MATN2: variants seen among roughly 807,000 people sequenced by gnomAD.
MATN2 encodes matrilin-2.
Under a neutral mutation model 103.2 loss-of-function variants are expected in MATN2, and 69 were observed. The observed-to-expected ratio is 0.67, with a 90% CI of 0.55 to 0.82. MATN2 has a LOEUF of 0.82. Ranked by LOEUF, MATN2 falls within the 40% of genes least tolerant of loss-of-function variation. The pLI, the probability that MATN2 is intolerant of heterozygous loss-of-function variation, is 0.00. For missense variants in MATN2, 1,023 were observed against 1,211.5 expected (o/e 0.84, Z 2.31); for synonymous variants, 429 against 450.2 (o/e 0.95, Z 0.60).
chr8:97,920,104 TC>T (rs1809763956), intron 2 of MATN2, among the ~76,000 whole-genome samples: 3 of 152,168 alleles, frequency 2.0e-5, no homozygotes, highest in Non-Finnish European at 4.4e-5. Context: ...CCCCTGAACA[TC>T]AGCAACCTTG....
chr8:98,016,616 G>C lies in MATN2; in HGVS notation c.1650G>C (p.Gln550His), dbSNP rs369131291. ...CVSSEDSFVCQCFEGYILRED... is the reference protein window; with the variant it reads ...CVSSEDSFVCHCFEGYILRED... ...GCAGTGAAGATTCGTTTGTGTGCCA[G>C]TGCTTTGAAGGTTATATACTCCGTG... The change falls in exon 11 of 19, where the codon CAG becomes CAC. Residue 550 changes from glutamine to histidine, a missense_variant. Physicochemically the swap from Gln to His is conservative, Grantham distance 24 (BLOSUM62 0). Coordinates refer to ENST00000254898, the MANE Select transcript of MATN2 (RefSeq NM_002380.5). The C allele has an allele frequency of 6.2e-7, 1 of 1,612,262 alleles. No homozygotes were observed. The highest frequency in any genetic ancestry group is 1.3e-5 in the African/African-American group (1 of 74,920).
At chr8:97,990,179 CA>C (rs34924183) in intron 6 of MATN2, among the ~76,000 whole-genome samples, 80 of 45,792 alleles carry the variant, frequency 1.7e-3, no homozygotes, top group Middle Eastern at 0.015. Context: ...AAGACTCTGT[CA>C]AAAAAAAAAA....
chr8:97,994,261 G>GGAAGAAGGAGAA (rs146393102), intron 6 of MATN2, among the ~76,000 whole-genome samples: 42,206 of 147,656 alleles, frequency 0.29, 6,289 homozygotes, highest in African/African-American at 0.34. Context: ...GGAGGAGGAG[G>GGAAGAAGGAGAA]GAAGAAGGAG....
At chr8:97,967,447 A>C (rs1811518939) in intron 5 of MATN2, among the ~76,000 whole-genome samples, 1 of 152,232 alleles carries the variant, frequency 6.6e-6, no homozygotes, top group African/African-American at 2.4e-5. Flanking sequence ...ATTTAAAAAA[A>C]AAAAAAGAAA....
chr8:97,994,898 T>A (rs1586135541), intron 7 of MATN2, among the ~76,000 whole-genome samples: 1 of 152,120 alleles, frequency 6.6e-6, no homozygotes, highest in Non-Finnish European at 1.5e-5. Context: ...AGCATTGGGG[T>A]CTTGGAAAAA....
intron 6 of MATN2, among the ~76,000 whole-genome samples, chr8:97,990,707 GA>G (rs1812363706): frequency 1.3e-5 from 2 of 152,032 alleles, no homozygotes; most frequent in South Asian, 4.1e-4. Context: ...CTGAATGAAA[GA>G]AACCAGACAA....
chr8:97,926,032 G>T (rs959912428), intron 2 of MATN2, among the ~76,000 whole-genome samples: 14 of 152,208 alleles, frequency 9.2e-5, no homozygotes, highest in African/African-American at 3.4e-4. Context: ...GCTGGAGTAG[G>T]AATGTTGCTT....
intron 18 of MATN2, 153 bp downstream of exon 18, chr8:98,033,812 C>A: frequency 1.7e-6 from 1 of 601,536 alleles, no homozygotes; most frequent in South Asian, 2.3e-5. Context: ...TAAAAAGCAG[C>A]CTCACAGGTG....
chr8:97,917,767 G>A (rs1463882400), intron 2 of MATN2, among the ~76,000 whole-genome samples: 2 of 152,060 alleles, frequency 1.3e-5, no homozygotes, highest in African/African-American at 4.8e-5. Flanking sequence ...TATCTTTATT[G>A]GGTTCATCCC....
intron 7 of MATN2, among the ~76,000 whole-genome samples, chr8:97,998,119 C>T (rs539453027): frequency 3.3e-5 from 5 of 150,870 alleles, no homozygotes; most frequent in South Asian, 2.1e-4. Context: ...CACGCCCAGC[C>T]GAAAAGGGTG....
At chr8:97,955,931 G>T (rs1811129992) in intron 4 of MATN2, among the ~76,000 whole-genome samples, 1 of 152,214 alleles carries the variant, frequency 6.6e-6, no homozygotes, top group Admixed American at 6.5e-5. Context: ...CCATAGCTGG[G>T]GGCTGGCTCT....
intron 6 of MATN2, among the ~76,000 whole-genome samples, chr8:97,993,847 C>T (rs1416036397): frequency 6.6e-6 from 1 of 152,086 alleles, no homozygotes; most frequent in Non-Finnish European, 1.5e-5. Flanking sequence ...CGATAAAACA[C>T]TCAGCTAAAC....
chr8:97,942,351 G>A (rs61241158), intron 4 of MATN2, among the ~76,000 whole-genome samples: 9,478 of 152,296 alleles, frequency 0.062, 385 homozygotes, highest in East Asian at 0.11. Flanking sequence ...GAGGGGTGCA[G>A]GGACCCAGTT....
At position 97,980,626 on chromosome 8, in the gene MATN2, G is replaced by A. The variant is rs531934765; in HGVS notation, c.1081+1618G>A. 2.3e-5 allele frequency among the ~76,000 whole-genome samples: 3 copies of A among 131,502 alleles called. No individual in the cohort carries two copies. In the South Asian group the frequency reaches 7.3e-4, roughly 32 times the overall value. 86.3% of individuals were successfully genotyped at this position (131,502 alleles called of 152,430 possible). On this transcript the variant is annotated intron_variant, in intron 6 of 18. Transcript: ENST00000254898. ...GTCACCCAGGCTGGAGAGCAGTGATGTGATCTCGGCTCACTGCAACCTCCA... is the reference window on the plus strand; with the variant it reads ...GTCACCCAGGCTGGAGAGCAGTGATATGATCTCGGCTCACTGCAACCTCCA...
chr8:97,980,695 G>T (rs1811991868), intron 6 of MATN2, among the ~76,000 whole-genome samples: 1 of 151,278 alleles, frequency 6.6e-6, no homozygotes, highest in South Asian at 2.1e-4. Flanking sequence ...CTCCCAAGTG[G>T]CTGAGACTAC....
chr8:97,959,553 C>T (rs1324385476), intron 4 of MATN2, among the ~76,000 whole-genome samples: 2 of 152,130 alleles, frequency 1.3e-5, no homozygotes, highest in Non-Finnish European at 2.9e-5. Context: ...TTGGAGTTCT[C>T]AATTGGAAAT....
chr8:98,015,044 C>A (rs1010833423), intron 10 of MATN2, among the ~76,000 whole-genome samples: 4 of 152,166 alleles, frequency 2.6e-5, no homozygotes, highest in Non-Finnish European at 5.9e-5. Context: ...GGTTCACAAA[C>A]CTTCTAGTCC....
At chr8:98,012,579 G>A (rs899233971) in intron 10 of MATN2, among the ~76,000 whole-genome samples, 1 of 152,172 alleles carries the variant, frequency 6.6e-6, no homozygotes, top group African/African-American at 2.4e-5. Flanking sequence ...GAGGGAGGCG[G>A]TGGGTGAGAA....
intron 6 of MATN2, among the ~76,000 whole-genome samples, chr8:97,991,908 G>A (rs1812402790): frequency 6.6e-6 from 1 of 152,140 alleles, no homozygotes; most frequent in South Asian, 2.1e-4. Context: ...AATTTAAATA[G>A]ACATATTAGG....
Sources: gnomAD v4.1 joint callset for allele counts (sites outside exome capture counted in the v4.1 genomes callset) on GRCh38, gnomAD v4.1.1 for gene constraint, MANE v1.5 for transcripts, NCBI Gene and HGNC (gene_info 2026-07-23, HGNC 2026-07-21) for gene names.